Variants in SNX29 observed in about 807,000 individuals in gnomAD.
SNX29 encodes the protein sorting nexin 29, also known as sorting nexin-29.
A neutral mutation model predicts 102.1 loss-of-function variants in SNX29; 78 were observed. The ratio of observed to expected loss-of-function variants is 0.76; its 90% CI spans 0.64 to 0.92. The LOEUF is 0.92. Ranked by LOEUF, SNX29 falls within the 40% of genes least tolerant of loss-of-function variation. The pLI is 0.00. For missense variants in SNX29, 1,280 were observed against 1,061.7 expected (o/e 1.21, Z -2.86); for synonymous variants, 580 against 414.5 (o/e 1.40, Z -4.85).
intron 16 of SNX29, among the ~76,000 whole-genome samples, chr16:12,369,897 T>C (rs1200591298): frequency 6.6e-6 from 1 of 152,226 alleles, no homozygotes; most frequent in Admixed American, 6.5e-5. Flanking sequence ...ATGTATTTTT[T>C]GAACGATTTC....
chr16:12,458,794 A>G (rs1267274327), intron 18 of SNX29, among the ~76,000 whole-genome samples: 1 of 152,184 alleles, frequency 6.6e-6, no homozygotes, highest in Non-Finnish European at 1.5e-5. Context: ...GCGCAGAGGC[A>G]GGCTCTGGCC....
chr16:11,989,674 T>C (rs2150983410), intron 1 of SNX29, among the ~76,000 whole-genome samples: 1 of 152,300 alleles, frequency 6.6e-6, no homozygotes, highest in South Asian at 2.1e-4. Context: ...TCAACAACTG[T>C]TGAGTTCCTT....
chr16:12,190,836 G>C (rs898132838), intron 13 of SNX29, among the ~76,000 whole-genome samples: 1 of 151,958 alleles, frequency 6.6e-6, no homozygotes, highest in African/African-American at 2.4e-5. Flanking sequence ...GGTAGAACCC[G>C]GGAGGAGCCT....
At chr16:12,561,981 A>C (rs2078750759) in intron 20 of SNX29, among the ~76,000 whole-genome samples, 1 of 152,240 alleles carries the variant, frequency 6.6e-6, no homozygotes, top group African/African-American at 2.4e-5. Context: ...AGTGTCTACC[A>C]GCTTGGTGAC....
chr16:12,512,101 T>C (rs1270380564), intron 19 of SNX29, among the ~76,000 whole-genome samples: 3 of 151,750 alleles, frequency 2.0e-5, no homozygotes, highest in Non-Finnish European at 4.4e-5. Flanking sequence ...GAGGCCAAAC[T>C]GCAGCTGGTT....
At chr16:12,469,892 C>G (rs1006445471) in intron 18 of SNX29, among the ~76,000 whole-genome samples, 1 of 152,300 alleles carries the variant, frequency 6.6e-6, no homozygotes, top group African/African-American at 2.4e-5. Flanking sequence ...TGCCTGTAAT[C>G]CCACCTACTT....
intron 18 of SNX29, among the ~76,000 whole-genome samples, chr16:12,453,899 G>A (rs2086416899): frequency 6.6e-6 from 1 of 152,164 alleles, no homozygotes; most frequent in Non-Finnish European, 1.5e-5. Flanking sequence ...GTAATTGGAT[G>A]TATAGGAGTG....
At chr16:12,137,915 G>A (rs933716812) in intron 13 of SNX29, among the ~76,000 whole-genome samples, 26 of 152,320 alleles carry the variant, frequency 1.7e-4, no homozygotes, top group African/African-American at 5.8e-4. Context: ...CAGAACACCT[G>A]CTCTGGCGGG....
At chr16:12,026,779 A>G (rs767028923) in intron 3 of SNX29, among the ~76,000 whole-genome samples, 1 of 152,212 alleles carries the variant, frequency 6.6e-6, no homozygotes, top group African/African-American at 2.4e-5. Context: ...TAGAGCATGT[A>G]ATCTCTTATA....
At chr16:12,468,558 T>TC (rs1286403078) in intron 18 of SNX29, among the ~76,000 whole-genome samples, 1 of 151,946 alleles carries the variant, frequency 6.6e-6, no homozygotes, top group African/African-American at 2.4e-5. Flanking sequence ...CCAGGCCCCC[T>TC]CCCGCAGCCC....
chr16:12,465,838 GTT>G lies in SNX29; in HGVS notation c.2038-11871_2038-11870del, dbSNP rs57431968. 2.6e-4 allele frequency among the ~76,000 whole-genome samples: 37 copies of G among 141,928 alleles called. 1 individual carries two copies. The highest frequency in any genetic ancestry group is 2.5e-3 in the South Asian group (11 of 4,430). The allele number at this position is 141,928 out of a possible 152,430, so 93.1% of individuals were successfully genotyped here. A position where few individuals can be genotyped will look rare whatever the true frequency, so the allele number is the denominator to read the frequency against. On this transcript the variant is annotated intron_variant, in intron 18 of 20. Coordinates refer to ENST00000566228, the MANE Select transcript of SNX29 (RefSeq NM_032167.5). ...CTTGGGATATCTTCCATTTGTTTGT[GTT>G]TTTTTTTTTCAGTTTATTTCATCAA... is the stretch of plus-strand genomic sequence containing the variant.
rs944704717 is a variant in SNX29 at position 12,199,588 on chromosome 16, C to G, written c.1596-13C>G. On this transcript the variant is annotated splice_polypyrimidine_tract_variant and intron_variant, in intron 13 of 20. Transcript: ENST00000566228. The stretch of plus-strand genomic sequence containing the variant: ...TTTAAATATATATTTTTTTAACATT[C>G]TTGTACCTGCAGAGAGAACGAGGTG... 6.2e-7 allele frequency: 1 copy of G among 1,606,024 alleles called. No individual in the cohort carries two copies. Among genetic ancestry groups the G allele is most frequent in the Non-Finnish European group, 8.5e-7 (1 of 1,175,720 alleles).
At chr16:12,463,418 A>G (rs1410560665) in intron 18 of SNX29, among the ~76,000 whole-genome samples, 1 of 152,242 alleles carries the variant, frequency 6.6e-6, no homozygotes. Context: ...TCATGGTTGA[A>G]GGCAAGGAGG....
chr16:12,417,243 G>A lies in SNX29; in HGVS notation c.2037+13714G>A, dbSNP rs542478500. Among the ~76,000 whole-genome samples the A allele has an allele frequency of 2.6e-5, 4 of 152,294 alleles. No homozygotes were observed. The South Asian group carries it at 6.2e-4, about 24-fold the overall frequency. ...TGAAAATGCTTTGTGTTTCTTCTGCGTAGCCAGGCTGTGTGTACCTCTTGG... is the reference window on the plus strand; with the variant it reads ...TGAAAATGCTTTGTGTTTCTTCTGCATAGCCAGGCTGTGTGTACCTCTTGG... On this transcript the variant is annotated intron_variant, in intron 18 of 20. Coordinates refer to ENST00000566228, the MANE Select transcript of SNX29 (RefSeq NM_032167.5).
intron 15 of SNX29, among the ~76,000 whole-genome samples, chr16:12,352,422 T>G (rs998922919): frequency 3.3e-5 from 5 of 152,024 alleles, no homozygotes; most frequent in African/African-American, 1.2e-4. Context: ...TGCTAAATGA[T>G]GAGTTAATGG....
intron 4 of SNX29, among the ~76,000 whole-genome samples, chr16:12,028,813 G>A (rs1236967910): frequency 3.3e-5 from 5 of 151,958 alleles, no homozygotes; most frequent in East Asian, 1.9e-4. Context: ...CAATGGCACC[G>A]TCTTGGCTCA....
At chr16:12,346,667 C>T (rs2081818892) in intron 15 of SNX29, among the ~76,000 whole-genome samples, 1 of 152,240 alleles carries the variant, frequency 6.6e-6, no homozygotes, top group African/African-American at 2.4e-5. Flanking sequence ...ACACACCTTT[C>T]AGCAGAGGGC....
intron 11 of SNX29, chr16:12,095,251 C>T (rs1207141170): frequency 6.6e-6 from 1 of 152,184 alleles, no homozygotes; most frequent in East Asian, 1.9e-4. Flanking sequence ...AACAAAGTTT[C>T]TACTCTTGAG....
intron 11 of SNX29, among the ~76,000 whole-genome samples, chr16:12,084,479 C>T (rs1240977753): frequency 6.6e-6 from 1 of 152,222 alleles, no homozygotes; most frequent in Non-Finnish European, 1.5e-5. Flanking sequence ...AATTCTGCCT[C>T]AGGGATGCCT....
Sources: gnomAD v4.1 joint callset for allele counts (sites outside exome capture counted in the v4.1 genomes callset) on GRCh38, gnomAD v4.1.1 for gene constraint, MANE v1.5 for transcripts, NCBI Gene and HGNC (gene_info 2026-07-23, HGNC 2026-07-21) for gene names.